Variants in PEBP4 observed in about 807,000 individuals in gnomAD.
The protein encoded by PEBP4 is phosphatidylethanolamine binding protein 4.
A neutral mutation model predicts 23.9 loss-of-function variants in PEBP4; 22 were observed. That is an observed-to-expected ratio of 0.92 (90% CI 0.66 to 1.31). PEBP4 has a LOEUF of 1.31. PEBP4 is among the 40% of genes most tolerant of loss of function. The pLI is 0.00. For synonymous variants in PEBP4, 112 were observed against 99.3 expected (o/e 1.13, Z -0.76); for missense variants, 324 against 281.7 (o/e 1.15, Z -1.07).
chr8:22,852,562 A>G (rs780551961), intron 3 of PEBP4, among the ~76,000 whole-genome samples: 6 of 152,140 alleles, frequency 3.9e-5, no homozygotes, highest in Non-Finnish European at 5.9e-5. Flanking sequence ...GTCCAACCAG[A>G]AAGAGCCTAG....
chr8:22,846,890 G>A (rs1190749509), intron 3 of PEBP4, among the ~76,000 whole-genome samples: 3 of 152,170 alleles, frequency 2.0e-5, no homozygotes, highest in East Asian at 3.9e-4. Context: ...GGCAGGGCAC[G>A]ATGGCTCATG....
chr8:22,830,912 A>G (rs562736010), intron 3 of PEBP4, among the ~76,000 whole-genome samples: 3 of 152,318 alleles, frequency 2.0e-5, no homozygotes, highest in Admixed American at 2.0e-4. Context: ...CAAAACACAA[A>G]TAGATTATGT....
intron 3 of PEBP4, among the ~76,000 whole-genome samples, chr8:22,837,617 G>A (rs1445141682): frequency 6.6e-6 from 1 of 152,112 alleles, no homozygotes; most frequent in Non-Finnish European, 1.5e-5. Flanking sequence ...CACAGACGGA[G>A]GATGTTTCTG....
intron 5 of PEBP4, 27 bp from the exon 6 acceptor site, chr8:22,724,983 A>T: frequency 6.4e-7 from 1 of 1,567,000 alleles, no homozygotes; most frequent in Non-Finnish European, 8.8e-7. Flanking sequence ...GAGAGAGGTG[A>T]GCATCAACAT....
At chr8:22,917,449 G>T (rs971825972) in intron 3 of PEBP4, among the ~76,000 whole-genome samples, 2 of 152,104 alleles carry the variant, frequency 1.3e-5, no homozygotes, top group South Asian at 4.1e-4. Flanking sequence ...ACCAGGGAAA[G>T]CTTCCCTTCG....
intron 3 of PEBP4, among the ~76,000 whole-genome samples, chr8:22,849,326 C>T (rs1335626617): frequency 6.6e-6 from 1 of 152,162 alleles, no homozygotes; most frequent in Non-Finnish European, 1.5e-5. Context: ...CTGGGAGATG[C>T]GTTTCTGGCA....
chr8:22,790,425 C>T lies in PEBP4; in HGVS notation c.357+27212G>A, dbSNP rs114571817. Among the ~76,000 whole-genome samples the T allele has an allele frequency of 7.2e-3, 1,094 of 152,296 alleles. 17 individuals carry two copies. Among genetic ancestry groups the T allele is most frequent in the African/African-American group, 0.025 (1,047 of 41,556 alleles). ...TGAGGTAGACCAGGAAGCCTGCTTA[C>T]ATCGGTGGGATTTGAACCGTGCCTT... On this transcript the variant is annotated intron_variant, in intron 4 of 6. Transcript: ENST00000256404.
intron 6 of PEBP4, among the ~76,000 whole-genome samples, chr8:22,720,748 G>A (rs545899711): frequency 6.6e-6 from 1 of 152,164 alleles, no homozygotes; most frequent in Admixed American, 6.5e-5. Context: ...CTCCTATCTT[G>A]GGGACCAGTT....
chr8:22,920,332 T>G lies in PEBP4; in HGVS notation c.132-22A>C, dbSNP rs756975676. 3.1e-6 allele frequency: 5 copies of G among 1,601,264 alleles called. No individual in the cohort carries two copies. In the South Asian group the frequency reaches 5.5e-5, roughly 18 times the overall value. On this transcript the variant is annotated intron_variant, in intron 2 of 6. Transcript: ENST00000256404. ...GCCCCTATGAAGAGAGAGGGGAGGT[T>G]GCCCTGTGTCAGGGTTTTAAGGGAG...
At chr8:22,820,371 T>C (rs1278475928) in intron 3 of PEBP4, among the ~76,000 whole-genome samples, 1 of 152,140 alleles carries the variant, frequency 6.6e-6, no homozygotes, top group Non-Finnish European at 1.5e-5. Context: ...TGGGTTTAAC[T>C]TGAATGGGAA....
Position 22,713,279 on chromosome 8 carries a change from A to G in PEBP4, c.*91T>C. ...TGGATGATTTTTTTTTTATTTGGAA[A>G]AGAAGGGGTTCTGTATCCAGAGGGG... On this transcript the variant is annotated 3_prime_UTR_variant, in exon 7 of 7. Coordinates refer to ENST00000256404, the MANE Select transcript of PEBP4 (RefSeq NM_144962.3). 1.4e-6 allele frequency: 2 copies of G among 1,453,022 alleles called. No individual in the cohort carries two copies. The highest frequency in any genetic ancestry group is 1.8e-6 in the Non-Finnish European group (2 of 1,101,576). The allele number at this position is 1,453,022 out of a possible 1,614,324, so 90.0% of individuals were successfully genotyped here.
At chr8:22,800,150 G>A (rs1806353391) in intron 4 of PEBP4, among the ~76,000 whole-genome samples, 1 of 151,988 alleles carries the variant, frequency 6.6e-6, no homozygotes, top group African/African-American at 2.4e-5. Flanking sequence ...AGCAGCCCAG[G>A]GTAAACTTTC....
intron 3 of PEBP4, chr8:22,887,764 G>C (rs965498472): frequency 5.3e-5 from 8 of 152,074 alleles, no homozygotes; most frequent in Non-Finnish European, 1.0e-4. Context: ...CTCAAAGAAC[G>C]TATTTACCGA....
intron 3 of PEBP4, among the ~76,000 whole-genome samples, chr8:22,830,865 T>C (rs756249751): frequency 1.1e-4 from 16 of 152,202 alleles, no homozygotes; most frequent in Non-Finnish European, 2.1e-4. Context: ...TTTGAAACCC[T>C]AAGCAATTTT....
chr8:22,790,338 G>A (rs999757506), intron 4 of PEBP4, among the ~76,000 whole-genome samples: 6 of 152,322 alleles, frequency 3.9e-5, no homozygotes, highest in Non-Finnish European at 7.4e-5. Flanking sequence ...CTCAGGCCAT[G>A]TGGAAGCACC....
At chr8:22,817,974 T>G (rs984298231) in intron 3 of PEBP4, among the ~76,000 whole-genome samples, 6 of 152,156 alleles carry the variant, frequency 3.9e-5, no homozygotes, top group Non-Finnish European at 8.8e-5. Flanking sequence ...GAAGAATAAA[T>G]CCAACAAGAT....
Position 22,925,743 on chromosome 8 carries a change from G to T in PEBP4, c.131+1841C>A, listed in dbSNP as rs535579420. Among the ~76,000 whole-genome samples, 4 of 152,214 alleles carry T rather than the reference G, an allele frequency of 2.6e-5. No homozygotes were observed. In the South Asian group the frequency reaches 8.3e-4, roughly 32 times the overall value. ...GTGGGAAACACCAGGAACTGCTGAGGTCCTCCTTAAGGGGCCCTTATTGTG... is the reference window on the plus strand; with the variant it reads ...GTGGGAAACACCAGGAACTGCTGAGTTCCTCCTTAAGGGGCCCTTATTGTG... On this transcript the variant is annotated intron_variant, in intron 2 of 6. Coordinates refer to ENST00000256404, the MANE Select transcript of PEBP4 (RefSeq NM_144962.3).
At chr8:22,804,918 C>T (rs951492949) in intron 4 of PEBP4, among the ~76,000 whole-genome samples, 2 of 152,196 alleles carry the variant, frequency 1.3e-5, no homozygotes, top group Admixed American at 6.5e-5. Flanking sequence ...GCTGTTCCCT[C>T]GGCCCGGCTG....
chr8:22,744,208 T>C (rs1805060679), intron 4 of PEBP4, among the ~76,000 whole-genome samples: 1 of 152,218 alleles, frequency 6.6e-6, no homozygotes, highest in Non-Finnish European at 1.5e-5. Context: ...CTTCTTGCCA[T>C]AGACAAGCCC....
Sources: allele counts gnomAD v4.1 joint callset (sites outside exome capture counted in the v4.1 genomes callset), GRCh38; gene constraint gnomAD v4.1.1; transcripts MANE v1.5; gene names NCBI Gene and HGNC (gene_info 2026-07-23, HGNC 2026-07-21).